The following ZNF699 variants were observed in gnomAD, a reference collection of about 807,000 sequenced individuals.
The protein encoded by ZNF699 is zinc finger protein 699.
In ZNF699, 18 loss-of-function variants were observed where a neutral mutation model predicts 22.5. The ratio of observed to expected loss-of-function variants is 0.80; its 90% CI spans 0.55 to 1.19. The LOEUF is 1.19. Ranked by LOEUF, ZNF699 falls within the 50% of genes most tolerant of loss-of-function variation. ZNF699 has a pLI of 0.00. For synonymous variants in ZNF699, 241 were observed against 262.3 expected (o/e 0.92, Z 0.78); for missense variants, 670 against 763.4 (o/e 0.88, Z 1.44).
chr19:9,297,420 T>C lies in ZNF699; in HGVS notation c.346A>G (p.Lys116Glu), dbSNP rs553880816. Residue 116 changes from lysine to glutamate, a missense_variant, in exon 5 of 6, where the codon AAA becomes GAA. Lys to Glu is a moderately conservative substitution (Grantham distance 56). Coordinates refer to ENST00000591998, the MANE Select transcript of ZNF699 (RefSeq NM_198535.3). The surrounding 1 kb of genome is among the most constrained non-coding windows in gnomAD (Gnocchi z 4.3). Reference sequence around the variant, plus strand: ...ACTATTTTCTGTTCATTGGATATTTTTTCTCCACAAATATCTTGTGAAGCA... The same window carrying C: ...ACTATTTTCTGTTCATTGGATATTTCTTCTCCACAAATATCTTGTGAAGCA... ...SVASQDICGE[K>E]ISNEQKIVRF... 3.1e-6 allele frequency: 5 copies of C among 1,599,018 alleles called. No homozygotes were observed. The highest frequency in any genetic ancestry group is 4.5e-5 in the East Asian group (2 of 44,458).
Position 9,291,696 on chromosome 19 carries a change from T to A in ZNF699, c.*3779A>T, listed in dbSNP as rs2066266086. ...GTTGATCTTTATGCTCATTAAAGAT[T>A]AAGCAGCAATCTTTTTTTTTTTTTT... On this transcript the variant is annotated 3_prime_UTR_variant, in exon 6 of 6. Coordinates refer to ENST00000591998, the MANE Select transcript of ZNF699 (RefSeq NM_198535.3). 1 of 150,828 alleles carries A rather than the reference T, an allele frequency of 6.6e-6. No individual in the cohort carries two copies. The highest frequency in any genetic ancestry group is 1.5e-5 in the Non-Finnish European group (1 of 67,922). The allele number at this position is 150,828 out of a possible 1,614,324, so 9.3% of individuals were successfully genotyped here. A position where few individuals can be genotyped will look rare whatever the true frequency, so the allele number is the denominator to read the frequency against.
In ZNF699 at chr19:9,293,442, A is replaced by G. The variant is rs1335098238; in HGVS notation, c.*2033T>C. On this transcript the variant is annotated 3_prime_UTR_variant, in exon 6 of 6. Transcript: ENST00000591998. Reference sequence around the variant, plus strand: ...TCAGTAAATTCATTCCTGAGCATATAGCACATACCAAGATAAATAAGCCCA... The same window carrying G: ...TCAGTAAATTCATTCCTGAGCATATGGCACATACCAAGATAAATAAGCCCA... 2.6e-5 allele frequency among the ~76,000 whole-genome samples: 4 copies of G among 152,232 alleles called. No homozygotes were observed. In the South Asian group the frequency reaches 8.3e-4, roughly 32 times the overall value.
intron 3 of ZNF699, among the ~76,000 whole-genome samples, chr19:9,300,941 A>T (rs2066304859): frequency 6.6e-6 from 1 of 152,192 alleles, no homozygotes; most frequent in Non-Finnish European, 1.5e-5. Context: ...TAAATGATGG[A>T]CTCTGGGCAA....
chr19:9,301,272 T>C (rs1211209003), intron 3 of ZNF699, among the ~76,000 whole-genome samples: 1 of 151,996 alleles, frequency 6.6e-6, no homozygotes, highest in East Asian at 1.9e-4. Flanking sequence ...CAATGACTGG[T>C]GTCCTTATAA....
intron 1 of ZNF699, among the ~76,000 whole-genome samples, chr19:9,306,941 T>C (rs540459309): frequency 2.6e-5 from 4 of 152,380 alleles, no homozygotes; most frequent in South Asian, 4.1e-4. Flanking sequence ...AGCTCATGCT[T>C]GTAATCCCAG....
chr19:9,305,812 C>T (rs772815493), intron 1 of ZNF699, among the ~76,000 whole-genome samples: 2 of 152,062 alleles, frequency 1.3e-5, no homozygotes, highest in African/African-American at 2.4e-5. Flanking sequence ...TGCCATTCTC[C>T]TGCCTCAGCC....
At chr19:9,307,063 T>C (rs939203455) in intron 1 of ZNF699, among the ~76,000 whole-genome samples, 2 of 152,160 alleles carry the variant, frequency 1.3e-5, no homozygotes, top group Non-Finnish European at 2.9e-5. Context: ...CAGCCGGGCA[T>C]GGTGGCGCAC....
At chr19:9,299,865 T>TA (rs59470657) in intron 3 of ZNF699, among the ~76,000 whole-genome samples, 54,388 of 143,592 alleles carry the variant, frequency 0.38, 11,355 homozygotes, top group Non-Finnish European at 0.48. Flanking sequence ...CAACAATGTT[T>TA]AAAAAAAAAA....
chr19:9,306,047 G>A (rs2066326562), intron 1 of ZNF699, among the ~76,000 whole-genome samples: 1 of 151,328 alleles, frequency 6.6e-6, no homozygotes, highest in East Asian at 2.0e-4. Flanking sequence ...AGAGAAGGCC[G>A]CTATGCTGTG....
chr19:9,308,856 T>C (rs2066336931), intron 1 of ZNF699, among the ~76,000 whole-genome samples: 1 of 152,212 alleles, frequency 6.6e-6, no homozygotes, highest in African/African-American at 2.4e-5. Flanking sequence ...AACTGACAGA[T>C]GACCAAATTT....
intron 2 of ZNF699, among the ~76,000 whole-genome samples, chr19:9,303,791 T>C (rs1002967859): frequency 6.6e-5 from 10 of 151,770 alleles, no homozygotes; most frequent in Admixed American, 2.0e-4. Flanking sequence ...AACTCTGTCC[T>C]AGGAAATAGG....
At chr19:9,305,589 T>C (rs2066324744) in intron 1 of ZNF699, among the ~76,000 whole-genome samples, 1 of 152,212 alleles carries the variant, frequency 6.6e-6, no homozygotes, top group Non-Finnish European at 1.5e-5. Context: ...CCACTCCCGA[T>C]ATTTCTTACT....
rs762398015 is a variant in ZNF699 at position 9,296,744 on chromosome 19, G to T, written c.660C>A (p.Ser220Arg). ...CACATTCCTTGCACTGATAGGGTTT[G>T]CTTCCAGTATGAGACCTGATGTGAC... ...LKSHIRSHTG[S>R]KPYQCKECGK... The change falls in exon 6 of 6, where the codon AGC (serine) becomes AGA (arginine). Residue 220 changes from serine to arginine, a missense_variant. Ser to Arg is a moderately radical substitution (Grantham distance 110). Transcript: ENST00000591998. 2 of 1,614,098 alleles carry T rather than the reference G, an allele frequency of 1.2e-6. No homozygotes were observed. The highest frequency in any genetic ancestry group is 2.2e-5 in the East Asian group (1 of 44,866).
intron 1 of ZNF699, among the ~76,000 whole-genome samples, chr19:9,308,132 C>A (rs2066334236): frequency 6.6e-6 from 1 of 151,974 alleles, no homozygotes; most frequent in Admixed American, 6.6e-5. Context: ...ACAAACTCAG[C>A]TTTTTAAAAA....
At position 9,299,236 on chromosome 19, in the gene ZNF699, G is replaced by A. The variant is rs184288340; in HGVS notation, c.176-1246C>T. On this transcript the variant is annotated intron_variant, in intron 3 of 5. Coordinates refer to ENST00000591998, the MANE Select transcript of ZNF699 (RefSeq NM_198535.3). ...TGCAAGCTCTGCCTCCTGGGTTCACGCCATTCTCCTGCCTCAGCCTCCTGA... is the reference window on the plus strand; with the variant it reads ...TGCAAGCTCTGCCTCCTGGGTTCACACCATTCTCCTGCCTCAGCCTCCTGA... 5.5e-3 allele frequency among the ~76,000 whole-genome samples: 840 copies of A among 152,274 alleles called. 7 individuals are homozygous for A. The highest frequency in any genetic ancestry group is 9.5e-3 in the Non-Finnish European group (643 of 68,020).
At chr19:9,300,871 A>G (rs1307725850) in intron 3 of ZNF699, among the ~76,000 whole-genome samples, 3 of 152,238 alleles carry the variant, frequency 2.0e-5, no homozygotes, top group Non-Finnish European at 2.9e-5. Context: ...TGGTGGATAC[A>G]TGTCATTATA....
Position 9,305,094 on chromosome 19 carries a change from T to A in ZNF699, c.26A>T (p.Glu9Val). 6.2e-7 allele frequency: 1 copy of A among 1,613,644 alleles called. No homozygotes were observed. The highest frequency in any genetic ancestry group is 8.5e-7 in the Non-Finnish European group (1 of 1,179,806). The change falls in exon 2 of 6, where the codon GAG (glutamate) becomes GTG (valine). Residue 9 changes from glutamate (E) to valine (V), a missense_variant. Transcript: ENST00000591998. Reference sequence around the variant, plus strand: ...TACCTGTATTCTATTTTTCTGTAACTCAGCAGTTTTTCTTTCTTCCTCCAT... The same window carrying A: ...TACCTGTATTCTATTTTTCTGTAACACAGCAGTTTTTCTTTCTTCCTCCAT... MEEERKTA[E>V]LQKNRIQDSV...
rs144833884 is a variant in ZNF699 at position 9,293,928 on chromosome 19, TA to T, written c.*1546del. Among the ~76,000 whole-genome samples, 631 of 142,658 alleles carry T rather than the reference TA, an allele frequency of 4.4e-3. 2 individuals carry two copies. Among genetic ancestry groups the T allele is most frequent in the African/African-American group, 6.4e-3 (244 of 38,290 alleles). The allele number at this position is 142,658 out of a possible 152,430, so 93.6% of individuals were successfully genotyped here. On this transcript the variant is annotated 3_prime_UTR_variant, in exon 6 of 6. Coordinates refer to ENST00000591998, the MANE Select transcript of ZNF699 (RefSeq NM_198535.3). ...CTGAAGCAATTCATCTTCTTACATT[TA>T]AAAAAAAAAAAAAAGCAGTAAAATC...
chr19:9,300,527 C>G (rs371955802), intron 3 of ZNF699, among the ~76,000 whole-genome samples: 1 of 152,120 alleles, frequency 6.6e-6, no homozygotes, highest in Admixed American at 6.5e-5. Flanking sequence ...ACTGCCAAAA[C>G]GTGTAAGCAA....
Sources: gnomAD v4.1 joint callset for allele counts (sites outside exome capture counted in the v4.1 genomes callset) on GRCh38, gnomAD v4.1.1 for gene constraint, Gnocchi (gnomAD v3.1) non-coding constraint, MANE v1.5 for transcripts, NCBI Gene and HGNC (gene_info 2026-07-23, HGNC 2026-07-21) for gene names.